FLT3: variants seen among roughly 807,000 people sequenced by gnomAD.
The protein encoded by FLT3 is receptor-type tyrosine-protein kinase FLT3.
A neutral mutation model predicts 126.6 loss-of-function variants in FLT3; 46 were observed. That is an observed-to-expected ratio of 0.36 (90% CI 0.29 to 0.46). FLT3 has a LOEUF of 0.46. Ranked by LOEUF, FLT3 falls within the 20% of genes least tolerant of loss-of-function variation. FLT3 has a pLI of 1.00. For synonymous variants in FLT3, 404 were observed against 434.4 expected (o/e 0.93, Z 0.87); for missense variants, 1,069 against 1,190.3 (o/e 0.90, Z 1.50).
chr13:28,071,432 A>G (rs1294871870), intron 1 of FLT3, among the ~76,000 whole-genome samples: 2 of 152,010 alleles, frequency 1.3e-5, no homozygotes, highest in Non-Finnish European at 2.9e-5. Context: ...CTGGGTACTC[A>G]GTGGGCCTTT....
intron 3 of FLT3, among the ~76,000 whole-genome samples, chr13:28,061,558 G>C (rs895633206): frequency 7.9e-5 from 12 of 151,784 alleles, no homozygotes; most frequent in Admixed American, 5.3e-4. Context: ...TTAAACCCAG[G>C]AGCTCAAGAC....
intron 9 of FLT3, among the ~76,000 whole-genome samples, chr13:28,043,359 G>A (rs931617876): frequency 6.6e-6 from 1 of 152,088 alleles, no homozygotes; most frequent in African/African-American, 2.4e-5. Context: ...AAAACATAAA[G>A]GCAAGCCCTA....
intron 1 of FLT3, among the ~76,000 whole-genome samples, chr13:28,090,235 A>G (rs774911943): frequency 6.6e-6 from 1 of 151,390 alleles, no homozygotes; most frequent in African/African-American, 2.4e-5. Flanking sequence ...ACAGGGTTTC[A>G]CCATGATGGC....
intron 1 of FLT3, among the ~76,000 whole-genome samples, chr13:28,081,520 T>A (rs1006813304): frequency 2.0e-5 from 3 of 152,212 alleles, no homozygotes; most frequent in African/African-American, 7.2e-5. Context: ...TATAGAATTT[T>A]CTACATAGGT....
chr13:28,008,655 T>C (rs1363138987), intron 23 of FLT3, among the ~76,000 whole-genome samples: 2 of 152,014 alleles, frequency 1.3e-5, no homozygotes, highest in Non-Finnish European at 2.9e-5. Flanking sequence ...AATTTTGTCT[T>C]TTTAGTAGAG....
At chr13:28,090,778 C>T (rs1878981471) in intron 1 of FLT3, among the ~76,000 whole-genome samples, 1 of 152,052 alleles carries the variant, frequency 6.6e-6, no homozygotes, top group Admixed American at 6.6e-5. Flanking sequence ...ACCTGTCCGC[C>T]CCTGCCCCCT....
rs371569887 is a variant in FLT3, at chr13:28,026,864, G to A, written c.2207+224C>T. Among the ~76,000 whole-genome samples the A allele has an allele frequency of 2.0e-5, 3 of 152,308 alleles. No individual in the cohort carries two copies. The East Asian group carries it at 5.8e-4, about 29-fold the overall frequency. Reference sequence around the variant, plus strand: ...CGTCTATGGTGTGATGCAGGCATGGGTGGAGAGAGACTAGCTCAGCTATAG... The same window carrying A: ...CGTCTATGGTGTGATGCAGGCATGGATGGAGAGAGACTAGCTCAGCTATAG... On this transcript the variant is annotated intron_variant, in intron 17 of 23. Transcript: ENST00000241453.
At position 28,014,638 on chromosome 13, in the gene FLT3, C is replaced by G. The variant is rs1871680481; in HGVS notation, c.2754-81G>C. On this transcript the variant is annotated intron_variant, in intron 22 of 23. Transcript: ENST00000241453. Reference sequence around the variant, plus strand: ...GATCATTTTCCATATAATGAAGCACCATTTATTCCTCTGGAGCTGCTTATT... The same window carrying G: ...GATCATTTTCCATATAATGAAGCACGATTTATTCCTCTGGAGCTGCTTATT... The G allele has an allele frequency of 1.8e-5, 17 of 942,910 alleles. 1 individual carries two copies. The South Asian group carries it at 2.3e-4, about 13-fold the overall frequency. 58.4% of individuals were successfully genotyped at this position (942,910 alleles called of 1,614,324 possible).
At chr13:28,090,311 C>T (rs1299828494) in intron 1 of FLT3, among the ~76,000 whole-genome samples, 1 of 150,982 alleles carries the variant, frequency 6.6e-6, no homozygotes, top group Non-Finnish European at 1.5e-5. Flanking sequence ...GCTGGGATTA[C>T]AGGTTCGAGC....
chr13:28,024,638 T>C (rs1872655454), intron 18 of FLT3, among the ~76,000 whole-genome samples: 2 of 152,262 alleles, frequency 1.3e-5, no homozygotes, highest in Non-Finnish European at 2.9e-5. Context: ...GTAATTAATA[T>C]ATGACTTTAA....
intron 23 of FLT3, among the ~76,000 whole-genome samples, chr13:28,004,667 A>T (rs561319552): frequency 6.6e-6 from 1 of 152,322 alleles, no homozygotes; most frequent in African/African-American, 2.4e-5. Context: ...TTTTCAGGAA[A>T]CGTGTAGACA....
Position 28,082,007 on chromosome 13 carries a change from C to T in FLT3, c.44-11395G>A, listed in dbSNP as rs190769914. Among the ~76,000 whole-genome samples, 1,129 of 151,576 alleles carry T rather than the reference C, an allele frequency of 7.4e-3. 7 individuals carry two copies. Among genetic ancestry groups the T allele is most frequent in the Non-Finnish European group, 0.013 (855 of 67,878 alleles). On this transcript the variant is annotated intron_variant, in intron 1 of 23. Transcript: ENST00000241453. Reference sequence around the variant, plus strand: ...AGTAGCTGGGATTACAGGTGCCCACCATCATGCCCGGCTAATTTTTATATT... The same window carrying T: ...AGTAGCTGGGATTACAGGTGCCCACTATCATGCCCGGCTAATTTTTATATT...
At chr13:28,069,939 C>A (rs971753579) in intron 2 of FLT3, among the ~76,000 whole-genome samples, 2 of 151,904 alleles carry the variant, frequency 1.3e-5, no homozygotes, top group Admixed American at 1.3e-4. Context: ...CAGAGTGGGA[C>A]CCCATCTTTG....
At position 28,006,478 on chromosome 13, in the gene FLT3, G is replaced by T. The variant is rs561339097; in HGVS notation, c.2860-2304C>A. Among the ~76,000 whole-genome samples the T allele has an allele frequency of 4.6e-5, 7 of 152,230 alleles. No homozygotes were observed. The South Asian group carries it at 1.5e-3, about 32-fold the overall frequency. On this transcript the variant is annotated intron_variant, in intron 23 of 23. Coordinates refer to ENST00000241453, the MANE Select transcript of FLT3 (RefSeq NM_004119.3). The stretch of plus-strand genomic sequence containing the variant: ...ACATAGCAGTTAGTTAGCATTTGTT[G>T]AACCTGTTGAATCCAAATGTACATC...
At chr13:28,043,863 G>A (rs1011599826) in intron 9 of FLT3, among the ~76,000 whole-genome samples, 1 of 152,102 alleles carries the variant, frequency 6.6e-6, no homozygotes, top group Non-Finnish European at 1.5e-5. Flanking sequence ...TGTAATCCCA[G>A]CACTTTGGGA....
intron 19 of FLT3, 132 bp from the exon 20 acceptor site, chr13:28,018,721 T>A: frequency 1.1e-6 from 1 of 876,542 alleles, no homozygotes; most frequent in Non-Finnish European, 1.8e-6. Flanking sequence ...GGCTGTGCCG[T>A]GAGCGGCCAT....
chr13:28,077,650 A>G (rs1261880550), intron 1 of FLT3, among the ~76,000 whole-genome samples: 2 of 152,186 alleles, frequency 1.3e-5, no homozygotes, highest in African/African-American at 4.8e-5. Context: ...TCCAAATCTC[A>G]TGTCCTGACA....
At chr13:28,076,044 G>A (rs964360944) in intron 1 of FLT3, among the ~76,000 whole-genome samples, 1 of 152,038 alleles carries the variant, frequency 6.6e-6, no homozygotes, top group African/African-American at 2.4e-5. Context: ...TGATCTGTCC[G>A]CCTCGGCCTC....
chr13:28,063,382 A>G lies in FLT3; in HGVS notation c.166-1313T>C, dbSNP rs1158976122. ...GTAATCCCAGCTACTCAGGAGGCTGAGGCAGGAGAATCACTTGAACCTGGG... is the reference window on the plus strand; with the variant it reads ...GTAATCCCAGCTACTCAGGAGGCTGGGGCAGGAGAATCACTTGAACCTGGG... On this transcript the variant is annotated intron_variant, in intron 2 of 23. Transcript: ENST00000241453. 3.3e-5 allele frequency among the ~76,000 whole-genome samples: 5 copies of G among 152,322 alleles called. No homozygotes were observed. The East Asian group carries it at 7.7e-4, about 23-fold the overall frequency.
Sources: allele counts gnomAD v4.1 joint callset (sites outside exome capture counted in the v4.1 genomes callset), GRCh38; gene constraint gnomAD v4.1.1; transcripts MANE v1.5; gene names NCBI Gene and HGNC (gene_info 2026-07-23, HGNC 2026-07-21).